Variants in H2BC18 observed in about 807,000 individuals in gnomAD.
The protein encoded by H2BC18 is histone H2B type 2-F.
H2BC18 carries 8 observed loss-of-function variants against 6.3 expected under a neutral mutation model. That is an observed-to-expected ratio of 1.28 (90% CI 0.75 to 2.31). The LOEUF (loss-of-function observed/expected upper bound fraction) is 2.31, where lower values mean the gene tolerates loss of function less well. Among genes scored for constraint, H2BC18 ranks in the 30% most tolerant of loss-of-function variants. The pLI, the probability that H2BC18 is intolerant of heterozygous loss-of-function variation, is 0.00. For synonymous variants in H2BC18, 104 were observed against 78.1 expected, an observed-to-expected ratio of 1.33 and a Z score of -1.75; for missense variants, 106 against 174.5, an observed-to-expected ratio of 0.61 and a Z score of 2.21.
At chr1:149,789,813 C>T (rs2091655669) in intron 1 of H2BC18, among the ~76,000 whole-genome samples, 1 of 152,080 alleles carries the variant, frequency 6.6e-6, no homozygotes, top group Admixed American at 6.5e-5. Context: ...ATCCCTAGTG[C>T]CAAAAAGGTT....
chr1:149,801,080 G>A (rs587599768), intron 1 of H2BC18, among the ~76,000 whole-genome samples: 6 of 152,088 alleles, frequency 3.9e-5, no homozygotes, highest in Admixed American at 1.3e-4. Context: ...AGTGAGACCC[G>A]GTCTCTAGAA....
At chr1:149,793,059 C>T (rs1290889600) in intron 1 of H2BC18, 159 of 1,263,914 alleles carry the variant, frequency 1.3e-4, no homozygotes, top group Non-Finnish European at 1.6e-4. Context: ...CGCGGCGCCA[C>T]CTGGCGGCCG....
In H2BC18 at chr1:149,793,125, G is replaced by T; in HGVS notation, c.378-9865C>A. 7.2e-6 allele frequency: 9 copies of T among 1,245,480 alleles called. No homozygotes were observed. The South Asian group carries it at 1.1e-4, about 16-fold the overall frequency. The allele number at this position is 1,245,480 out of a possible 1,614,324, so 77.2% of individuals were successfully genotyped here. A position where few individuals can be genotyped will look rare whatever the true frequency, so the allele number is the denominator to read the frequency against. ...CGGGGATGCTGCCGGCCTCAGGTGC[G>T]CCCGGCCGAGCCTCCGCGGAGAGGA... On this transcript the variant is annotated intron_variant, in intron 1 of 1. Transcript: ENST00000545683.
intron 1 of H2BC18, among the ~76,000 whole-genome samples, chr1:149,804,309 G>A (rs587662462): frequency 3.2e-4 from 48 of 151,826 alleles, no homozygotes; most frequent in African/African-American, 1.0e-3. Context: ...ATGTTATATC[G>A]GCCTTTATAG....
intron 1 of H2BC18, chr1:149,791,578 C>A (rs1325762267): frequency 9.4e-6 from 15 of 1,599,702 alleles, no homozygotes; most frequent in Non-Finnish European, 1.2e-5. Flanking sequence ...TCCCCGTGAG[C>A]ACTGCGTACA....
chr1:149,804,926 A>G (rs587739424), intron 1 of H2BC18, among the ~76,000 whole-genome samples: 2 of 151,744 alleles, frequency 1.3e-5, no homozygotes, highest in South Asian at 2.1e-4. Flanking sequence ...GAAATGGGCA[A>G]GGTGGTAAGA....
At position 149,812,084 on chromosome 1, in the gene H2BC18, G is replaced by A. The variant is rs1559757939; in HGVS notation, c.240C>T (p.Arg80=). The A allele has an allele frequency of 6.2e-7, 1 of 1,614,278 alleles. No homozygotes were observed. The highest frequency in any genetic ancestry group is 8.5e-7 in the Non-Finnish European group (1 of 1,180,054). Reference sequence around the variant, plus strand: ...TGGAGCGCTTGTTGTAGTGCGCCAGGCGGGACGCCTCTCCCGCGATGCGCT... The same window carrying A: ...TGGAGCGCTTGTTGTAGTGCGCCAGACGGGACGCCTCTCCCGCGATGCGCT... The part of the protein sequence containing the change: ...IFERIAGEAS[R]LAHYNKRSTI... Residue 80 remains arginine (R), a synonymous_variant, in exon 1 of 1, where the codon CGC becomes CGT. Transcript: ENST00000369167.
intron 1 of H2BC18, among the ~76,000 whole-genome samples, chr1:149,784,514 A>T (rs1368871345): frequency 6.6e-6 from 1 of 152,158 alleles, no homozygotes; most frequent in Non-Finnish European, 1.5e-5. Context: ...TTGTATCATT[A>T]TTCCAAATGT....
In H2BC18 at chr1:149,812,369, C is replaced by A. The variant is rs376994281; in HGVS notation, c.-46G>T. ...AAGAGACTTAAAGAAGTAATCCGAA[C>A]TACCGCAAAACGGGCTGGTTATGCG... On this transcript the variant is annotated 5_prime_UTR_variant, in exon 1 of 1. Coordinates refer to ENST00000369167, the MANE Select transcript of H2BC18 (RefSeq NM_001024599.5). 4 of 1,613,540 alleles carry A rather than the reference C, an allele frequency of 2.5e-6. No homozygotes were observed. The highest frequency in any genetic ancestry group is 3.4e-6 in the Non-Finnish European group (4 of 1,179,796).
chr1:149,807,289 C>A (rs1178899385), downstream of H2BC18, among the ~76,000 whole-genome samples: 1 of 151,842 alleles, frequency 6.6e-6, no homozygotes, highest in East Asian at 1.9e-4. Context: ...GAGTTCAAGA[C>A]CAACCTGAGC....
chr1:149,795,561 GAA>G (rs1270941626), intron 1 of H2BC18, among the ~76,000 whole-genome samples: 2 of 127,410 alleles, frequency 1.6e-5, no homozygotes, highest in Non-Finnish European at 3.3e-5. Context: ...AAGAAAAAGA[GAA>G]AGATTCTTTT....
At chr1:149,806,659 G>T (rs1553753917) in intron 1 of H2BC18, among the ~76,000 whole-genome samples, 1 of 152,184 alleles carries the variant, frequency 6.6e-6, no homozygotes, top group African/African-American at 2.4e-5. Flanking sequence ...AGGGGAGCTT[G>T]TTATCTTACC....
chr1:149,799,071 A>AT (rs1361721821), intron 1 of H2BC18, among the ~76,000 whole-genome samples: 1 of 141,974 alleles, frequency 7.0e-6, no homozygotes, highest in African/African-American at 2.7e-5. Context: ...ATTTTCTAGA[A>AT]TCTAAATTCA....
rs1178645357 is a variant in H2BC18, at chr1:149,791,046, G to T, written c.378-7786C>A. On this transcript the variant is annotated intron_variant, in intron 1 of 1. Coordinates refer to the H2BC18 transcript ENST00000545683. ...CCCAGCAATTAAGCTCTTCCAAGGA[G>T]CCTGTCCCTGTCTATACACCATATA... 2.0e-5 allele frequency among the ~76,000 whole-genome samples: 3 copies of T among 150,482 alleles called. No individual in the cohort carries two copies. In the East Asian group the frequency reaches 5.9e-4, roughly 30 times the overall value.
At chr1:149,790,214 C>T in intron 1 of H2BC18, 9 of 1,613,510 alleles carry the variant, frequency 5.6e-6, no homozygotes, top group South Asian at 2.2e-5. Context: ...GAGGCAGGAA[C>T]ACATCCTCTG....
chr1:149,789,540 T>A (rs2664828), intron 1 of H2BC18, among the ~76,000 whole-genome samples: 1 of 152,168 alleles, frequency 6.6e-6, no homozygotes, highest in African/African-American at 2.4e-5. Context: ...AGGATGGACC[T>A]TGTAGAGCAG....
intron 1 of H2BC18, among the ~76,000 whole-genome samples, chr1:149,790,675 T>C (rs1281421096): frequency 6.7e-6 from 1 of 149,614 alleles, no homozygotes; most frequent in Non-Finnish European, 1.5e-5. Flanking sequence ...TCTCTCTCTC[T>C]CTCTCCCTGC....
downstream of H2BC18, among the ~76,000 whole-genome samples, chr1:149,807,047 T>C (rs2091923869): frequency 6.6e-6 from 1 of 152,034 alleles, no homozygotes; most frequent in Admixed American, 6.6e-5. Context: ...AAGGAGGCCA[T>C]TTAAAATGCC....
chr1:149,789,421 G>GATA (rs1559745935), intron 1 of H2BC18, among the ~76,000 whole-genome samples: 2 of 144,862 alleles, frequency 1.4e-5, no homozygotes, highest in Non-Finnish European at 3.0e-5. Flanking sequence ...TAATAATAAT[G>GATA]ATGATAATAA....
Sources: allele counts gnomAD v4.1 joint callset (sites outside exome capture counted in the v4.1 genomes callset), GRCh38; gene constraint gnomAD v4.1.1; transcripts MANE v1.5; gene names NCBI Gene and HGNC (gene_info 2026-07-23, HGNC 2026-07-21).